The following ZFAND4 variants were observed in gnomAD, a reference collection of about 807,000 sequenced individuals.
ZFAND4 encodes AN1-type zinc finger protein 4.
In ZFAND4, 43 loss-of-function variants were observed where a neutral mutation model predicts 64.4. The ratio of observed to expected loss-of-function variants is 0.67; its 90% CI spans 0.52 to 0.86. The LOEUF (loss-of-function observed/expected upper bound fraction) is 0.86, where lower values mean the gene tolerates loss of function less well. Among genes scored for constraint, ZFAND4 ranks in the 40% least tolerant of loss-of-function variants. ZFAND4 has a pLI of 0.00. For missense variants in ZFAND4, 929 were observed against 859.8 expected (o/e 1.08, Z -1.01); for synonymous variants, 296 against 305.7 (o/e 0.97, Z 0.33).
chr10:45,656,963 T>G (rs2048165045), intron 2 of ZFAND4, among the ~76,000 whole-genome samples: 1 of 152,084 alleles, frequency 6.6e-6, no homozygotes, highest in African/African-American at 2.4e-5. Flanking sequence ...AGAAATAAAC[T>G]TCTGTTGTTT....
At position 45,663,561 on chromosome 10, in the gene ZFAND4, T is replaced by C; in HGVS notation, c.165A>G (p.Ala55=). The C allele has an allele frequency of 6.3e-7, 1 of 1,591,742 alleles. No individual in the cohort carries two copies. The highest frequency in any genetic ancestry group is 8.5e-7 in the Non-Finnish European group (1 of 1,173,970). ...GAGTACCTTCCAATCTTCGAATTTT[T>C]GCTTTCACAGAAATAACAGTTTCAA... ...SPFETVISVK[A]KIRRLEGIPI... is the part of the protein sequence containing the mutation. The change falls in exon 2 of 10, where the codon GCA becomes GCG. Residue 55 remains alanine (A), a synonymous_variant. Coordinates refer to ENST00000344646, the MANE Select transcript of ZFAND4 (RefSeq NM_174890.4).
chr10:45,655,553 A>G (rs2048041834), intron 2 of ZFAND4, among the ~76,000 whole-genome samples: 1 of 152,252 alleles, frequency 6.6e-6, no homozygotes, highest in South Asian at 2.1e-4. Context: ...AAAAAATACT[A>G]AAGATCAATA....
At chr10:45,622,453 A>T (rs1348362004) in intron 8 of ZFAND4, among the ~76,000 whole-genome samples, 1 of 152,210 alleles carries the variant, frequency 6.6e-6, no homozygotes, top group African/African-American at 2.4e-5. Context: ...TGGATATGAC[A>T]CCAAAGGCAC....
Position 45,616,261 on chromosome 10 carries a change from A to G in ZFAND4, c.*175T>C. ...AAACTACTTTTAAAACTTTTGTTTCACCAAGAAATAAAGATGTAAAATACA... is the reference window on the plus strand; with the variant it reads ...AAACTACTTTTAAAACTTTTGTTTCGCCAAGAAATAAAGATGTAAAATACA... On this transcript the variant is annotated 3_prime_UTR_variant, in exon 10 of 10. Transcript: ENST00000344646. The G allele has an allele frequency of 1.2e-6, 1 of 860,928 alleles. No individual in the cohort carries two copies. Among genetic ancestry groups the G allele is most frequent in the Non-Finnish European group, 1.7e-6 (1 of 595,260 alleles). 53.3% of individuals were successfully genotyped at this position (860,928 alleles called of 1,614,324 possible). A position where few individuals can be genotyped will look rare whatever the true frequency, so the allele number is the denominator to read the frequency against.
At chr10:45,671,489 A>T (rs1205006736) in intron 1 of ZFAND4, among the ~76,000 whole-genome samples, 1 of 146,938 alleles carries the variant, frequency 6.8e-6, no homozygotes, top group East Asian at 2.0e-4. Flanking sequence ...ACCATGGAAT[A>T]CTATGCAGCC....
At position 45,616,659 on chromosome 10, in the gene ZFAND4, C is replaced by A. The variant is rs950130551; in HGVS notation, c.2049-88G>T. On this transcript the variant is annotated intron_variant, in intron 9 of 9. Transcript: ENST00000344646. ...AGACAGGAGCTTGACTTCAGGTAGT[C>A]CAACAGGGGCCCTTTGGTTCTTTTT... is the stretch of plus-strand genomic sequence containing the variant. 12 of 1,364,264 alleles carry A rather than the reference C, an allele frequency of 8.8e-6. No individual in the cohort carries two copies. In the African/African-American group the frequency reaches 1.5e-4, roughly 17 times the overall value. The allele number at this position is 1,364,264 out of a possible 1,614,324, so 84.5% of individuals were successfully genotyped here.
intron 2 of ZFAND4, 63 bp downstream of exon 2, chr10:45,663,479 T>C: frequency 2.3e-6 from 3 of 1,296,110 alleles, no homozygotes; most frequent in East Asian, 4.8e-5. Context: ...CTTTAAAAAC[T>C]ACTAGACATT....
chr10:45,663,457 T>TC, intron 2 of ZFAND4, 85 bp downstream of exon 2: 1 of 1,024,420 alleles, frequency 9.8e-7, no homozygotes, highest in Non-Finnish European at 1.4e-6. Context: ...TGAAATTGTC[T>TC]CCATTAAAAT....
chr10:45,664,872 G>A (rs1042469786), intron 1 of ZFAND4, among the ~76,000 whole-genome samples: 33 of 151,864 alleles, frequency 2.2e-4, no homozygotes, highest in Non-Finnish European at 2.5e-4. Context: ...CAGAGCTTGC[G>A]GTGAGCCGAG....
chr10:45,641,309 T>C (rs1312559716), intron 5 of ZFAND4, among the ~76,000 whole-genome samples: 1 of 152,244 alleles, frequency 6.6e-6, no homozygotes, highest in Non-Finnish European at 1.5e-5. Context: ...GAATACATAT[T>C]AGTTTCTATG....
At chr10:45,624,824 T>C (rs1263753193) in intron 7 of ZFAND4, among the ~76,000 whole-genome samples, 187 bp from the exon 8 acceptor site, 1 of 152,198 alleles carries the variant, frequency 6.6e-6, no homozygotes, top group Non-Finnish European at 1.5e-5. Flanking sequence ...ATCGTGCTTA[T>C]TATTTATCTT....
intron 8 of ZFAND4, among the ~76,000 whole-genome samples, chr10:45,623,278 A>G (rs899473183): frequency 7.2e-5 from 11 of 152,220 alleles, no homozygotes; most frequent in African/African-American, 2.4e-4. Flanking sequence ...TATATATTCT[A>G]AAGAATTGAA....
intron 2 of ZFAND4, among the ~76,000 whole-genome samples, chr10:45,655,331 A>G (rs749037694): frequency 6.6e-6 from 1 of 152,244 alleles, no homozygotes; most frequent in Non-Finnish European, 1.5e-5. Flanking sequence ...AAGTTATCTA[A>G]ACCTCTGGGA....
chr10:45,661,953 A>AT (rs1198582410), intron 2 of ZFAND4, among the ~76,000 whole-genome samples: 1 of 151,898 alleles, frequency 6.6e-6, no homozygotes, highest in East Asian at 1.9e-4. Flanking sequence ...AAAAAAAAAA[A>AT]AAAAAGATAC....
intron 1 of ZFAND4, among the ~76,000 whole-genome samples, chr10:45,671,941 C>T (rs537789009): frequency 3.9e-5 from 6 of 152,074 alleles, no homozygotes; most frequent in Non-Finnish European, 7.4e-5. Flanking sequence ...GCGCTGAATA[C>T]GTAATTTCAG....
At position 45,648,476 on chromosome 10, in the gene ZFAND4, C is replaced by T. The variant is rs577518780; in HGVS notation, c.387G>A (p.Glu129=). ...MAEYLDSSRV[E]VWEKTSCSKQ... ...TGCTGCAGGAGGTCTTCTCCCAGAC[C>T]TCAACTCGACTGGAATCCAAGTACT... The change falls in exon 5 of 10, where the codon GAG becomes GAA. Residue 129 remains glutamate, a synonymous_variant. Transcript: ENST00000344646. 6.2e-7 allele frequency: 1 copy of T among 1,613,770 alleles called. No homozygotes were observed. The highest frequency in any genetic ancestry group is 1.7e-5 in the Admixed American group (1 of 59,954).
At chr10:45,666,131 CA>C (rs1423536795) in intron 1 of ZFAND4, among the ~76,000 whole-genome samples, 1 of 152,164 alleles carries the variant, frequency 6.6e-6, no homozygotes, top group Non-Finnish European at 1.5e-5. Context: ...GTGGAACTAC[CA>C]AACTGTTTTC....
intron 2 of ZFAND4, among the ~76,000 whole-genome samples, chr10:45,655,918 A>C (rs2048065327): frequency 6.6e-6 from 1 of 152,198 alleles, no homozygotes; most frequent in African/African-American, 2.4e-5. Context: ...ATTCACAGAC[A>C]AATTCTACCA....
intron 5 of ZFAND4, among the ~76,000 whole-genome samples, chr10:45,640,788 C>T (rs968017951): frequency 1.3e-5 from 2 of 152,140 alleles, no homozygotes; most frequent in African/African-American, 4.8e-5. Context: ...CCGCGCCCAG[C>T]CAATACATTT....
Sources: gnomAD v4.1 joint callset for allele counts (sites outside exome capture counted in the v4.1 genomes callset) on GRCh38, gnomAD v4.1.1 for gene constraint, MANE v1.5 for transcripts, NCBI Gene and HGNC (gene_info 2026-07-23, HGNC 2026-07-21) for gene names.